The following ZNF84 variants were observed in gnomAD, a reference collection of about 807,000 sequenced individuals.
The protein encoded by ZNF84 is zinc finger protein 84.
A neutral mutation model predicts 14.8 loss-of-function variants in ZNF84; 12 were observed. That is an observed-to-expected ratio of 0.81 (90% CI 0.52 to 1.31). The LOEUF is 1.31. ZNF84 is among the 50% of genes most tolerant of loss of function. ZNF84 has a pLI of 0.00. For synonymous variants in ZNF84, 347 were observed against 291.1 expected, an observed-to-expected ratio of 1.19 and a Z score of -1.96; for missense variants, 859 against 878.6, an observed-to-expected ratio of 0.98 and a Z score of 0.28.
intron 4 of ZNF84, among the ~76,000 whole-genome samples, chr12:133,049,930 A>G (rs1296942092): frequency 6.6e-6 from 1 of 152,196 alleles, no homozygotes; most frequent in Admixed American, 6.5e-5. Context: ...GGATAGATCC[A>G]GATTCTAATA....
At chr12:133,042,340 T>G (rs1953901884) in intron 2 of ZNF84, among the ~76,000 whole-genome samples, 1 of 152,228 alleles carries the variant, frequency 6.6e-6, no homozygotes, top group Admixed American at 6.5e-5. Flanking sequence ...ACAAATCTAT[T>G]CATGAAATTG....
intron 2 of ZNF84, among the ~76,000 whole-genome samples, chr12:133,044,802 T>C (rs1953950030): frequency 6.6e-6 from 1 of 151,864 alleles, no homozygotes; most frequent in Non-Finnish European, 1.5e-5. Flanking sequence ...TTATCCTAGC[T>C]ACTTGGGAGG....
At position 133,057,970 on chromosome 12, in the gene ZNF84, A is replaced by G; in HGVS notation, c.1255A>G (p.Ile419Val). The G allele has an allele frequency of 6.2e-7, 1 of 1,613,074 alleles. No homozygotes were observed. The highest frequency in any genetic ancestry group is 2.2e-5 in the East Asian group (1 of 44,840). Residue 419 changes from isoleucine to valine, a missense_variant, in exon 5 of 5, where the codon ATT becomes GTT. Transcript: ENST00000539354. ...AGCATTTAGAGAGAGGTCGAGTCTC[A>G]TTAATCATCAGAGAACACATACAGG... ...RKAFRERSSL[I>V]NHQRTHTGEK...
At chr12:133,045,120 C>T (rs1953957215) in intron 2 of ZNF84, among the ~76,000 whole-genome samples, 1 of 152,126 alleles carries the variant, frequency 6.6e-6, no homozygotes. Context: ...CCAAAACAAT[C>T]TTTGTGACAT....
At chr12:133,048,648 G>A in intron 3 of ZNF84, 105 bp from the exon 4 acceptor site, 9 of 735,328 alleles carry the variant, frequency 1.2e-5, no homozygotes, top group Non-Finnish European at 1.8e-5. Context: ...CTCTGTTGGG[G>A]TACAGCTTCA....
In ZNF84 at chr12:133,041,724, G is replaced by A. The variant is rs374376112; in HGVS notation, c.15+242G>A. Among the ~76,000 whole-genome samples, 10 of 152,266 alleles carry A rather than the reference G, an allele frequency of 6.6e-5. No individual in the cohort carries two copies. The South Asian group carries it at 8.3e-4, about 13-fold the overall frequency. Reference sequence around the variant, plus strand: ...CTTACATAATTACTGCATTTGAGCTGCAAACTTTGTTTTCAAATTTTTGGT... The same window carrying A: ...CTTACATAATTACTGCATTTGAGCTACAAACTTTGTTTTCAAATTTTTGGT... On this transcript the variant is annotated intron_variant, in intron 2 of 4. Coordinates refer to ENST00000539354, the MANE Select transcript of ZNF84 (RefSeq NM_001289971.2).
chr12:133,058,969 G>A lies in ZNF84; in HGVS notation c.*37G>A. ...ATAGTAGTCTTTGACAGATCATCTT[G>A]GACTTCAGGAAATGCAATTATGATA... On this transcript the variant is annotated 3_prime_UTR_variant, in exon 5 of 5. Coordinates refer to ENST00000539354, the MANE Select transcript of ZNF84 (RefSeq NM_001289971.2). 6.6e-7 allele frequency: 1 copy of A among 1,521,020 alleles called. No homozygotes were observed. Among genetic ancestry groups the A allele is most frequent in the Admixed American group, 2.1e-5 (1 of 48,354 alleles). 94.2% of individuals were successfully genotyped at this position (1,521,020 alleles called of 1,614,324 possible). A position where few individuals can be genotyped will look rare whatever the true frequency, so the allele number is the denominator to read the frequency against.
At position 133,063,186 on chromosome 12, in the gene ZNF84, C is replaced by A. The variant is rs1954294460; in HGVS notation, c.*4254C>A. The A allele has an allele frequency of 4.3e-6, 3 of 702,184 alleles. No individual in the cohort carries two copies. The highest frequency in any genetic ancestry group is 7.8e-6 in the Non-Finnish European group (3 of 384,834). The allele number at this position is 702,184 out of a possible 1,614,324, so 43.5% of individuals were successfully genotyped here. Reference sequence around the variant, plus strand: ...AAAGAGTCCCGATTGTGTTCCAGTACCTGGTTCTTCTGGTCTTCATGTTCA... The same window carrying A: ...AAAGAGTCCCGATTGTGTTCCAGTAACTGGTTCTTCTGGTCTTCATGTTCA... On this transcript the variant is annotated 3_prime_UTR_variant, in exon 5 of 5. Coordinates refer to ENST00000539354, the MANE Select transcript of ZNF84 (RefSeq NM_001289971.2).
At position 133,058,772 on chromosome 12, in the gene ZNF84, G is replaced by A. The variant is rs1954207249; in HGVS notation, c.2057G>A (p.Ser686Asn). The A allele has an allele frequency of 6.2e-7, 1 of 1,613,964 alleles. No individual in the cohort carries two copies. The highest frequency in any genetic ancestry group is 8.5e-7 in the Non-Finnish European group (1 of 1,179,952). The change falls in exon 5 of 5, where the codon AGT becomes AAT. Residue 686 changes from serine to asparagine, a missense_variant. Physicochemically the swap from Ser to Asn is conservative, Grantham distance 46. Transcript: ENST00000539354. Reference protein sequence around the residue: ...THTGEKPYGCSECRKAFSQKS... With the variant: ...THTGEKPYGCNECRKAFSQKS... ...ACGGGTGAGAAACCCTATGGATGCA[G>A]TGAATGTAGGAAGGCCTTCTCTCAG... is the stretch of plus-strand genomic sequence containing the variant.
intron 1 of ZNF84, among the ~76,000 whole-genome samples, chr12:133,039,852 AT>A (rs55688719): frequency 4.1e-3 from 581 of 142,234 alleles, no homozygotes; most frequent in Middle Eastern, 7.3e-3. Flanking sequence ...GTTGGTTTGG[AT>A]TTTTTTTTTT....
intron 2 of ZNF84, among the ~76,000 whole-genome samples, chr12:133,044,073 A>G (rs1451847617): frequency 6.6e-6 from 1 of 151,900 alleles, no homozygotes; most frequent in African/African-American, 2.4e-5. Context: ...AAGCTTACTT[A>G]TTAGTTCTAA....
At chr12:133,044,169 T>C (rs1431769047) in intron 2 of ZNF84, among the ~76,000 whole-genome samples, 3 of 148,742 alleles carry the variant, frequency 2.0e-5, no homozygotes, top group Non-Finnish European at 4.5e-5. Flanking sequence ...TTAAGAGACA[T>C]GGTCTCACTC....
rs576021051 is a variant in ZNF84, at chr12:133,051,554, C to G, written c.238+2706C>G. On this transcript the variant is annotated intron_variant, in intron 4 of 4. Transcript: ENST00000539354. Reference sequence around the variant, plus strand: ...AAGGCACAGGCAGAGTCTCGAAGAACCCATGTGCAGGCTTCCTAAGCTCCC... The same window carrying G: ...AAGGCACAGGCAGAGTCTCGAAGAAGCCATGTGCAGGCTTCCTAAGCTCCC... 2.7e-3 allele frequency among the ~76,000 whole-genome samples: 409 copies of G among 152,246 alleles called. 4 individuals are homozygous for G. Among genetic ancestry groups the G allele is most frequent in the South Asian group, 0.021 (100 of 4,818 alleles).
intron 2 of ZNF84, among the ~76,000 whole-genome samples, chr12:133,044,770 C>T (rs780273458): frequency 8.6e-5 from 13 of 151,566 alleles, no homozygotes; most frequent in East Asian, 2.0e-4. Context: ...AAAAATTAGC[C>T]GGGCGTGGTG....
At position 133,057,425 on chromosome 12, in the gene ZNF84, G is replaced by A. The variant is rs1954179378; in HGVS notation, c.710G>A (p.Cys237Tyr). The change falls in exon 5 of 5, where the codon TGT becomes TAT. Residue 237 changes from cysteine to tyrosine, a missense_variant. Cys to Tyr is a radical substitution (Grantham distance 194). Transcript: ENST00000539354. ...SRHIRDIAFG[C>Y]GNCGKTFPQK... ...CATATAAGAGACATAGCCTTTGGCT[G>A]TGGTAATTGTGGCAAAACCTTTCCC... The A allele has an allele frequency of 6.2e-7, 1 of 1,614,220 alleles. No individual in the cohort carries two copies. Among genetic ancestry groups the A allele is most frequent in the Admixed American group, 1.7e-5 (1 of 60,032 alleles).
At chr12:133,039,423 T>G (rs1953847491) in intron 1 of ZNF84, among the ~76,000 whole-genome samples, 2 of 152,220 alleles carry the variant, frequency 1.3e-5, no homozygotes, top group Non-Finnish European at 2.9e-5. Flanking sequence ...CAATATGACT[T>G]TAGTATTCAT....
In ZNF84 at chr12:133,049,546, C is replaced by T. The variant is rs1171539581; in HGVS notation, c.238+698C>T. Among the ~76,000 whole-genome samples the T allele has an allele frequency of 1.6e-4, 25 of 151,974 alleles. 4 individuals are homozygous for T. The highest frequency in any genetic ancestry group is 8.5e-4 in the Admixed American group (13 of 15,244). Reference sequence around the variant, plus strand: ...TCACCCAGACTGGAGTGCAGTGGTGCGATCTTGGCTCACTACTCCACCTCC... The same window carrying T: ...TCACCCAGACTGGAGTGCAGTGGTGTGATCTTGGCTCACTACTCCACCTCC... On this transcript the variant is annotated intron_variant, in intron 4 of 4. Coordinates refer to ENST00000539354, the MANE Select transcript of ZNF84 (RefSeq NM_001289971.2).
chr12:133,058,478 C>T lies in ZNF84; in HGVS notation c.1763C>T (p.Thr588Ile). Residue 588 changes from threonine to isoleucine, a missense_variant, in exon 5 of 5, where the codon ACC becomes ATC. Coordinates refer to ENST00000539354, the MANE Select transcript of ZNF84 (RefSeq NM_001289971.2). Reference sequence around the variant, plus strand: ...TTCTCCCAGAAATCACAGCTAAATACCCATCAGAGAATTCACACTGGAGAG... The same window carrying T: ...TTCTCCCAGAAATCACAGCTAAATATCCATCAGAGAATTCACACTGGAGAG... ...KAFSQKSQLN[T>I]HQRIHTGEKP... 1.2e-6 allele frequency: 2 copies of T among 1,613,906 alleles called. No homozygotes were observed. Among genetic ancestry groups the T allele is most frequent in the South Asian group, 1.1e-5 (1 of 91,076 alleles).
Position 133,061,366 on chromosome 12 carries a change from C to T in ZNF84, c.*2434C>T, listed in dbSNP as rs1954261224. On this transcript the variant is annotated 3_prime_UTR_variant, in exon 5 of 5. Coordinates refer to ENST00000539354, the MANE Select transcript of ZNF84 (RefSeq NM_001289971.2). ...TTGTGCGTGCCTGTAATCCCAGTTACTCAGGAGGCTGAGGCAGGAGAATCA... is the reference window on the plus strand; with the variant it reads ...TTGTGCGTGCCTGTAATCCCAGTTATTCAGGAGGCTGAGGCAGGAGAATCA... The T allele has an allele frequency of 6.6e-6, 1 of 152,190 alleles. No homozygotes were observed. Among genetic ancestry groups the T allele is most frequent in the South Asian group, 2.1e-4 (1 of 4,828 alleles). The allele number at this position is 152,190 out of a possible 1,614,324, so 9.4% of individuals were successfully genotyped here.
Sources: gnomAD v4.1 joint callset for allele counts (sites outside exome capture counted in the v4.1 genomes callset) on GRCh38, gnomAD v4.1.1 for gene constraint, MANE v1.5 for transcripts, NCBI Gene and HGNC (gene_info 2026-07-23, HGNC 2026-07-21) for gene names.